OTOGL: variants seen among roughly 807,000 people sequenced by gnomAD.
OTOGL encodes otogelin like.
In OTOGL, 285 loss-of-function variants were observed where a neutral mutation model predicts 318.5. The observed-to-expected ratio is 0.89, with a 90% CI of 0.81 to 0.99. The LOEUF (loss-of-function observed/expected upper bound fraction) is 0.99, where lower values mean the gene tolerates loss of function less well. Among genes scored for constraint, OTOGL ranks in the 50% least tolerant of loss-of-function variants. The probability of loss-of-function intolerance (pLI) is 0.00; values close to 1 mark genes in which losing one functional copy is unlikely to be tolerated. For synonymous variants in OTOGL, 987 were observed against 936.5 expected, an observed-to-expected ratio of 1.05 and a Z score of -0.99; for missense variants, 2,899 against 2,845.6, an observed-to-expected ratio of 1.02 and a Z score of -0.43.
intron 57 of OTOGL, 82 bp downstream of exon 57, chr12:80,372,146 T>C (rs1890914966): frequency 3.1e-6 from 3 of 982,314 alleles, no homozygotes; most frequent in African/African-American, 3.3e-5. Flanking sequence ...CTCACAAAAT[T>C]CAATTCCTAT....
Position 80,296,884 on chromosome 12 carries a change from G to A in OTOGL, c.2986G>A (p.Asp996Asn), listed in dbSNP as rs148362257. ...CCAGAACAAGAAATGCTTTGACAAC[G>A]ATATTGTTTGTTCTAAAAGTGTTTT... Reference protein sequence around the residue: ...IAQNKKCFDNDIVCSKSVLIS... With the variant: ...IAQNKKCFDNNIVCSKSVLIS... The change falls in exon 27 of 59, where the codon GAT becomes AAT. Residue 996 changes from aspartate to asparagine, a missense_variant. Transcript: ENST00000547103. 2.9e-5 allele frequency: 45 copies of A among 1,531,050 alleles called. No homozygotes were observed. The Middle Eastern group carries it at 1.2e-3, about 40-fold the overall frequency. The allele number at this position is 1,531,050 out of a possible 1,614,324, so 94.8% of individuals were successfully genotyped here.
At chr12:80,231,530 T>A (rs959365915) in intron 8 of OTOGL, among the ~76,000 whole-genome samples, 4 of 152,138 alleles carry the variant, frequency 2.6e-5, no homozygotes, top group African/African-American at 9.7e-5. Flanking sequence ...ACTCACTAAT[T>A]TGCAATTTTT....
At chr12:80,295,828 G>T (rs777074323) in intron 26 of OTOGL, among the ~76,000 whole-genome samples, 1 of 152,058 alleles carries the variant, frequency 6.6e-6, no homozygotes, top group Non-Finnish European at 1.5e-5. Context: ...ACATCCCATT[G>T]TATCTCATAA....
intron 1 of OTOGL, among the ~76,000 whole-genome samples, chr12:80,198,287 A>C (rs1876219988): frequency 6.6e-6 from 1 of 152,136 alleles, no homozygotes; most frequent in Non-Finnish European, 1.5e-5. Context: ...GCTTCCTATC[A>C]GTTTAAAAAT....
rs559741045 is a variant in OTOGL, at chr12:80,257,969, G to T, written c.1856G>T (p.Gly619Val). ...AWKRRTLGLC[G>V]TFNGNIRDDF... Reference sequence around the variant, plus strand: ...AAAAGAAGAACATTAGGTCTGTGTGGCACTTTTAATGGCAACATAAGGGAT... The same window carrying T: ...AAAAGAAGAACATTAGGTCTGTGTGTCACTTTTAATGGCAACATAAGGGAT... The change falls in exon 18 of 59, where the codon GGC becomes GTC. Residue 619 changes from glycine (G) to valine (V), a missense_variant. Gly to Val is a moderately radical substitution (Grantham distance 109). Transcript: ENST00000547103. The T allele has an allele frequency of 6.3e-7, 1 of 1,593,290 alleles. No individual in the cohort carries two copies. The highest frequency in any genetic ancestry group is 8.5e-7 in the Non-Finnish European group (1 of 1,177,954).
intron 1 of OTOGL, among the ~76,000 whole-genome samples, chr12:80,136,183 T>C (rs1381457128): frequency 6.6e-6 from 1 of 152,144 alleles, no homozygotes; most frequent in Admixed American, 6.5e-5. Flanking sequence ...CTATCTTCAA[T>C]TTCTCTCCCT....
At chr12:80,336,608 T>C in intron 40 of OTOGL, 53 bp downstream of exon 40, 2 of 1,538,320 alleles carry the variant, frequency 1.3e-6, no homozygotes, top group Non-Finnish European at 1.8e-6. Context: ...ATAGCTAATG[T>C]CTATTGCAAC....
At chr12:80,184,851 C>T (rs1010196691) in intron 1 of OTOGL, among the ~76,000 whole-genome samples, 82 of 152,080 alleles carry the variant, frequency 5.4e-4, no homozygotes, top group African/African-American at 1.9e-3. Flanking sequence ...TTGGCTTCTC[C>T]CTCCCATTTA....
At chr12:80,299,343 G>C (rs1245110477) in intron 27 of OTOGL, among the ~76,000 whole-genome samples, 1 of 151,716 alleles carries the variant, frequency 6.6e-6, no homozygotes, top group Non-Finnish European at 1.5e-5. Flanking sequence ...AAAGAAACAA[G>C]AGAAAATAGT....
intron 9 of OTOGL, 64 bp from the exon 10 acceptor site, chr12:80,238,787 T>C (rs1314199097): frequency 7.4e-7 from 1 of 1,358,766 alleles, no homozygotes; most frequent in East Asian, 2.9e-5. Flanking sequence ...ACCATGTCTG[T>C]TTGTGGAAAA....
chr12:80,253,698 G>A, intron 14 of OTOGL, 124 bp downstream of exon 14: 1 of 720,508 alleles, frequency 1.4e-6, no homozygotes, highest in Non-Finnish European at 2.2e-6. Flanking sequence ...CACAAAACTT[G>A]CATTTTATTT....
At chr12:80,371,394 A>G (rs1162123075) in intron 56 of OTOGL, among the ~76,000 whole-genome samples, 1 of 152,058 alleles carries the variant, frequency 6.6e-6, no homozygotes, top group African/African-American at 2.4e-5. Context: ...GGCTAGCTAG[A>G]TATAACACGT....
chr12:80,305,825 C>T, intron 29 of OTOGL, 130 bp downstream of exon 29: 4 of 770,302 alleles, frequency 5.2e-6, no homozygotes, highest in Non-Finnish European at 7.3e-6. Context: ...AGCTGATAAA[C>T]ATTCATATTT....
In OTOGL at chr12:80,113,197, A is replaced by G. The variant is rs1191427531; in HGVS notation, c.-20+13592A>G. 2.0e-5 allele frequency among the ~76,000 whole-genome samples: 3 copies of G among 152,240 alleles called. No individual in the cohort carries two copies. In the South Asian group the frequency reaches 6.2e-4, roughly 32 times the overall value. ...TGTATTTTGTTAATCTTTTCAAAAA[A>G]CCATCTCTGGGATTCGATTGATTTT... On this transcript the variant is annotated intron_variant, in intron 1 of 58. Coordinates refer to ENST00000547103, the MANE Select transcript of OTOGL (RefSeq NM_001378609.3).
intron 32 of OTOGL, among the ~76,000 whole-genome samples, chr12:80,315,604 A>G (rs932593294): frequency 2.6e-5 from 4 of 152,214 alleles, no homozygotes; most frequent in Admixed American, 1.3e-4. Flanking sequence ...TGTGTCAGTT[A>G]GAATAATAGT....
At chr12:80,129,443 G>T (rs964916694) in intron 1 of OTOGL, among the ~76,000 whole-genome samples, 3 of 152,228 alleles carry the variant, frequency 2.0e-5, no homozygotes, top group African/African-American at 7.2e-5. Flanking sequence ...AAGCCAACAG[G>T]TGTTAACAGA....
Position 80,339,509 on chromosome 12 carries a change from G to A in OTOGL, c.5050+245G>A, listed in dbSNP as rs12303960. On this transcript the variant is annotated intron_variant, in intron 43 of 58. Coordinates refer to ENST00000547103, the MANE Select transcript of OTOGL (RefSeq NM_001378609.3). Reference sequence around the variant, plus strand: ...AATATATGCTTACTGCTGTTACTACGATGCTGTTTGTATTTCCACTAGCTC... The same window carrying A: ...AATATATGCTTACTGCTGTTACTACAATGCTGTTTGTATTTCCACTAGCTC... Among the ~76,000 whole-genome samples the A allele has an allele frequency of 6.9e-4, 104 of 151,814 alleles. 1 individual carries two copies. Among genetic ancestry groups the A allele is most frequent in the Non-Finnish European group, 1.0e-3 (71 of 67,894 alleles).
chr12:80,308,174 G>A (rs1886349952), intron 29 of OTOGL, among the ~76,000 whole-genome samples: 1 of 150,546 alleles, frequency 6.6e-6, no homozygotes, highest in Non-Finnish European at 1.5e-5. Context: ...CCCGGACGAG[G>A]TGGCTGCCGG....
chr12:80,271,184 G>A (rs370230686), intron 23 of OTOGL, among the ~76,000 whole-genome samples: 30 of 152,128 alleles, frequency 2.0e-4, no homozygotes, highest in East Asian at 7.8e-4. Context: ...AGGAACCCAC[G>A]GGATTTTATC....
Sources: allele counts gnomAD v4.1 joint callset (sites outside exome capture counted in the v4.1 genomes callset), GRCh38; gene constraint gnomAD v4.1.1; transcripts MANE v1.5; gene names NCBI Gene and HGNC (gene_info 2026-07-23, HGNC 2026-07-21).